Variants in LDAH observed in about 807,000 individuals in gnomAD.
The protein encoded by LDAH is lipid droplet-associated hydrolase.
A neutral mutation model predicts 29.6 loss-of-function variants in LDAH; 26 were observed. The observed-to-expected ratio is 0.88, with a 90% confidence interval of 0.64 to 1.22. LDAH has a LOEUF of 1.22. Ranked by LOEUF, LDAH falls within the 50% of genes most tolerant of loss-of-function variation. LDAH has a pLI of 0.00. For missense variants in LDAH, 344 were observed against 387.3 expected (o/e 0.89, Z 0.94); for synonymous variants, 117 against 133.0 (o/e 0.88, Z 0.83).
chr2:20,710,180 T>A (rs949356253), intron 5 of LDAH, among the ~76,000 whole-genome samples: 1 of 152,098 alleles, frequency 6.6e-6, no homozygotes, highest in Non-Finnish European at 1.5e-5. Context: ...TTTAGCCAGA[T>A]TGATCAGGGA....
chr2:20,753,002 A>C (rs1338850337), intron 4 of LDAH, among the ~76,000 whole-genome samples: 2 of 152,178 alleles, frequency 1.3e-5, no homozygotes, highest in African/African-American at 2.4e-5. Context: ...CAACAACAGC[A>C]ACAACAAAAA....
chr2:20,811,635 C>T (rs1214614359), intron 1 of LDAH, among the ~76,000 whole-genome samples: 1 of 151,838 alleles, frequency 6.6e-6, no homozygotes, highest in Non-Finnish European at 1.5e-5. Flanking sequence ...CAGGCGCCTG[C>T]CACCATGCCT....
intron 4 of LDAH, among the ~76,000 whole-genome samples, chr2:20,762,064 T>C (rs1038119305): frequency 3.9e-5 from 6 of 152,116 alleles, no homozygotes; most frequent in Non-Finnish European, 7.4e-5. Flanking sequence ...ACATTCTCTA[T>C]GTATTCTGAC....
intron 6 of LDAH, among the ~76,000 whole-genome samples, chr2:20,695,752 T>C (rs1663412766): frequency 6.6e-6 from 1 of 152,192 alleles, no homozygotes; most frequent in African/African-American, 2.4e-5. Context: ...CCGGCGGAGA[T>C]ACTCTTATAA....
At chr2:20,784,809 C>T (rs560505263) in intron 3 of LDAH, among the ~76,000 whole-genome samples, 1 of 152,058 alleles carries the variant, frequency 6.6e-6, no homozygotes, top group African/African-American at 2.4e-5. Flanking sequence ...ATCACCTGAT[C>T]CTGGCAGGTT....
chr2:20,809,091 G>A (rs1291646242), intron 1 of LDAH, among the ~76,000 whole-genome samples: 1 of 151,920 alleles, frequency 6.6e-6, no homozygotes, highest in Non-Finnish European at 1.5e-5. Context: ...TAGTAAACAT[G>A]AGCCATAAAG....
At chr2:20,715,741 C>A (rs1411959185) in intron 5 of LDAH, among the ~76,000 whole-genome samples, 2 of 152,152 alleles carry the variant, frequency 1.3e-5, no homozygotes, top group Non-Finnish European at 2.9e-5. Flanking sequence ...CAATAACAGG[C>A]AAACAGAGAG....
At chr2:20,767,502 G>A (rs1669122644) in intron 4 of LDAH, among the ~76,000 whole-genome samples, 1 of 152,234 alleles carries the variant, frequency 6.6e-6, no homozygotes, top group South Asian at 2.1e-4. Flanking sequence ...TGACAAGCAT[G>A]AGGGGAAATT....
intron 5 of LDAH, among the ~76,000 whole-genome samples, chr2:20,707,785 C>T (rs1028654988): frequency 6.6e-6 from 1 of 152,194 alleles, no homozygotes; most frequent in South Asian, 2.1e-4. Flanking sequence ...AGAGCAGCAC[C>T]AGTACTGTGT....
intron 5 of LDAH, among the ~76,000 whole-genome samples, chr2:20,705,690 C>A (rs1664250824): frequency 1.3e-5 from 2 of 152,142 alleles, no homozygotes; most frequent in Non-Finnish European, 2.9e-5. Flanking sequence ...AATAAATGAT[C>A]AAAGACATAA....
Position 20,801,388 on chromosome 2 carries a change from G to C in LDAH, c.76C>G (p.Leu26Val). Residue 26 changes from leucine (L) to valine (V), a missense_variant, in exon 2 of 7, where the codon CTA becomes GTA. Coordinates refer to ENST00000237822, the MANE Select transcript of LDAH (RefSeq NM_021925.4). ...AGGTCTGTCCAGGGCCCACATTTTA[G>C]AACCTGGGTTTCGGCTCCACCACAC... ...ILCGGAETQV[L>V]KCGPWTDLFH... 3 of 1,614,128 alleles carry C rather than the reference G, an allele frequency of 1.9e-6. No individual in the cohort carries two copies. The highest frequency in any genetic ancestry group is 2.5e-6 in the Non-Finnish European group (3 of 1,180,006).
At chr2:20,750,716 ATTG>A (rs771231503) in intron 4 of LDAH, among the ~76,000 whole-genome samples, 8 of 152,254 alleles carry the variant, frequency 5.3e-5, no homozygotes, top group Non-Finnish European at 1.0e-4. Flanking sequence ...ACTTATGTTC[ATTG>A]TTGTGCTATT....
At chr2:20,821,247 C>T (rs536690162) in intron 1 of LDAH, among the ~76,000 whole-genome samples, 227 of 152,248 alleles carry the variant, frequency 1.5e-3, no homozygotes, top group Non-Finnish European at 2.5e-3. Context: ...ACCATTTGAC[C>T]CAGCCATCCC....
At chr2:20,714,640 C>A (rs1432613103) in intron 5 of LDAH, among the ~76,000 whole-genome samples, 1 of 151,914 alleles carries the variant, frequency 6.6e-6, no homozygotes, top group East Asian at 1.9e-4. Context: ...GCTAGCAAGA[C>A]TAATAAAGAA....
intron 5 of LDAH, among the ~76,000 whole-genome samples, chr2:20,717,972 T>C (rs537880036): frequency 6.6e-6 from 1 of 152,284 alleles, no homozygotes; most frequent in South Asian, 2.1e-4. Context: ...TAACTTCTTA[T>C]AACTATAAAA....
At chr2:20,820,538 G>A (rs1673189754) in intron 1 of LDAH, among the ~76,000 whole-genome samples, 3 of 151,988 alleles carry the variant, frequency 2.0e-5, no homozygotes, top group South Asian at 2.1e-4. Context: ...TTAACAAATG[G>A]TGCTGGGAAA....
chr2:20,718,697 C>T (rs1665423735), intron 5 of LDAH, among the ~76,000 whole-genome samples: 1 of 152,086 alleles, frequency 6.6e-6, no homozygotes, highest in South Asian at 2.1e-4. Context: ...TTTCATCCAA[C>T]TACTGCAGAA....
At chr2:20,816,144 C>T (rs1672836294) in intron 1 of LDAH, among the ~76,000 whole-genome samples, 2 of 151,972 alleles carry the variant, frequency 1.3e-5, no homozygotes, top group South Asian at 4.1e-4. Context: ...CTCAAAAACA[C>T]TATAAACATG....
chr2:20,685,960 C>T lies in LDAH; in HGVS notation c.*943G>A, dbSNP rs888750832. 1.3e-4 allele frequency: 31 copies of T among 242,182 alleles called. No homozygotes were observed. Among genetic ancestry groups the T allele is most frequent in the East Asian group, 9.1e-5 (1 of 10,988 alleles). 15.0% of individuals were successfully genotyped at this position (242,182 alleles called of 1,614,324 possible). On this transcript the variant is annotated 3_prime_UTR_variant, in exon 7 of 7. Coordinates refer to ENST00000237822, the MANE Select transcript of LDAH (RefSeq NM_021925.4). The stretch of plus-strand genomic sequence containing the variant: ...AAAAGAAGCTTTTAAAAATTATTCA[C>T]TAGAAGATTTCCAGAAGAAAAGAAT...
Sources: gnomAD v4.1 joint callset for allele counts (sites outside exome capture counted in the v4.1 genomes callset) on GRCh38, gnomAD v4.1.1 for gene constraint, MANE v1.5 for transcripts, NCBI Gene and HGNC (gene_info 2026-07-23, HGNC 2026-07-21) for gene names.